The following MACROD2 variants were observed in gnomAD, a reference collection of about 807,000 sequenced individuals.
MACROD2 encodes the protein mono-ADP ribosylhydrolase 2, also known as ADP-ribose glycohydrolase MACROD2.
MACROD2 carries 36 observed loss-of-function variants against 70.4 expected under a neutral mutation model. That is an observed-to-expected ratio of 0.51 (90% CI 0.39 to 0.68). The LOEUF (loss-of-function observed/expected upper bound fraction) is 0.68. MACROD2 is among the 30% of genes least tolerant of loss of function. The pLI is 0.00. For synonymous variants in MACROD2, 172 were observed against 178.8 expected, an observed-to-expected ratio of 0.96 and a Z score of 0.30; for missense variants, 496 against 538.4, an observed-to-expected ratio of 0.92 and a Z score of 0.78.
At chr20:15,534,714 A>G (rs1315917169) in intron 8 of MACROD2, among the ~76,000 whole-genome samples, 1 of 152,158 alleles carries the variant, frequency 6.6e-6, no homozygotes, top group Non-Finnish European at 1.5e-5. Context: ...TTAGCAATTC[A>G]TGTAGATTTG....
At chr20:16,024,276 A>G (rs1046369532) in intron 15 of MACROD2, among the ~76,000 whole-genome samples, 3 of 152,172 alleles carry the variant, frequency 2.0e-5, no homozygotes, top group Admixed American at 2.0e-4. Context: ...AGGAAGTGCA[A>G]ATCCTCTCTG....
intron 6 of MACROD2, among the ~76,000 whole-genome samples, chr20:15,419,537 G>T (rs1182027117): frequency 5.3e-5 from 8 of 152,192 alleles, no homozygotes. Context: ...ATTCCTGTGT[G>T]CAAGAGGCTT....
chr20:14,230,668 C>CA (rs1569217430), intron 3 of MACROD2, among the ~76,000 whole-genome samples: 4 of 6,942 alleles, frequency 5.8e-4, no homozygotes, highest in African/African-American at 1.1e-3. Context: ...ACAGGCTGGG[C>CA]CTATATATAT....
chr20:14,980,533 A>G (rs549598294), intron 5 of MACROD2, among the ~76,000 whole-genome samples: 24 of 152,324 alleles, frequency 1.6e-4, no homozygotes, highest in African/African-American at 5.5e-4. Flanking sequence ...CACGCCCTAC[A>G]GGTGGATATA....
At chr20:14,723,839 A>G (rs1412749167) in intron 5 of MACROD2, among the ~76,000 whole-genome samples, 1 of 151,974 alleles carries the variant, frequency 6.6e-6, no homozygotes, top group East Asian at 1.9e-4. Context: ...CGTAAAAGAA[A>G]CCTTACTGAA....
rs1489091584 is a variant in MACROD2, at chr20:14,699,605, CTT to C, written c.418+14647_418+14648del. 2.0e-5 allele frequency among the ~76,000 whole-genome samples: 3 copies of C among 152,074 alleles called. 1 individual carries two copies. The East Asian group carries it at 5.8e-4, about 29-fold the overall frequency. On this transcript the variant is annotated intron_variant, in intron 5 of 17. Coordinates refer to ENST00000684519, the MANE Select transcript of MACROD2 (RefSeq NM_001351661.2). ...AATATTAATTTTACAGAAATAGAAT[CTT>C]ATTTTATTACAAGGAAGGCCGTCAG...
chr20:15,358,147 A>G (rs1417980541), intron 6 of MACROD2, among the ~76,000 whole-genome samples: 2 of 152,164 alleles, frequency 1.3e-5, no homozygotes, highest in Non-Finnish European at 2.9e-5. Flanking sequence ...CTAATTCAAA[A>G]TGAGTGCTCC....
intron 5 of MACROD2, among the ~76,000 whole-genome samples, chr20:15,029,848 A>G (rs1011732377): frequency 2.6e-5 from 4 of 152,070 alleles, no homozygotes; most frequent in African/African-American, 9.7e-5. Context: ...AAAGAGATGA[A>G]TGGGAGGCTG....
chr20:15,548,755 T>C (rs1186781929), intron 8 of MACROD2, among the ~76,000 whole-genome samples: 1 of 152,086 alleles, frequency 6.6e-6, no homozygotes, highest in African/African-American at 2.4e-5. Context: ...CCAAGCTAGG[T>C]CAGTAAAGGC....
intron 12 of MACROD2, among the ~76,000 whole-genome samples, chr20:15,957,189 G>A (rs1226429529): frequency 6.6e-6 from 1 of 152,154 alleles, no homozygotes; most frequent in East Asian, 1.9e-4. Context: ...TGGTAGACAT[G>A]TTCTACTGCT....
chr20:15,558,407 C>T (rs910167767), intron 8 of MACROD2, among the ~76,000 whole-genome samples: 7 of 152,168 alleles, frequency 4.6e-5, no homozygotes, highest in African/African-American at 1.7e-4. Flanking sequence ...AAAGTAATAG[C>T]GGGTTTTGCT....
chr20:14,629,608 G>A (rs771084205), intron 4 of MACROD2, among the ~76,000 whole-genome samples: 1 of 152,160 alleles, frequency 6.6e-6, no homozygotes, highest in Non-Finnish European at 1.5e-5. Flanking sequence ...GAAGCTGTAG[G>A]AAAGGTGGCT....
chr20:15,519,115 C>CTTCCT (rs1568863498), intron 8 of MACROD2, among the ~76,000 whole-genome samples: 2 of 137,514 alleles, frequency 1.5e-5, no homozygotes, highest in Admixed American at 7.1e-5. Context: ...TCCTTCCTTC[C>CTTCCT]TTCCTTTCTT....
At chr20:14,230,060 A>T (rs1286011946) in intron 3 of MACROD2, among the ~76,000 whole-genome samples, 2 of 152,216 alleles carry the variant, frequency 1.3e-5, no homozygotes, top group African/African-American at 4.8e-5. Flanking sequence ...ATTGCTAAAT[A>T]TTGCTAATGA....
At chr20:15,042,258 T>C (rs887868575) in intron 5 of MACROD2, among the ~76,000 whole-genome samples, 1 of 152,160 alleles carries the variant, frequency 6.6e-6, no homozygotes, top group East Asian at 1.9e-4. Context: ...AAAAAAGGTA[T>C]AAATCCTAAG....
intron 8 of MACROD2, among the ~76,000 whole-genome samples, chr20:15,740,707 G>T (rs1300933643): frequency 2.1e-5 from 3 of 145,458 alleles, no homozygotes; most frequent in Non-Finnish European, 4.4e-5. Context: ...ACTTTACATG[G>T]AGCCTTTTTT....
chr20:15,271,386 A>C (rs1439395865), intron 6 of MACROD2, among the ~76,000 whole-genome samples: 1 of 152,184 alleles, frequency 6.6e-6, no homozygotes, highest in Non-Finnish European at 1.5e-5. Flanking sequence ...TAATACCATC[A>C]ACTTGGCGAT....
intron 4 of MACROD2, among the ~76,000 whole-genome samples, chr20:14,611,147 AT>A (rs1983132947): frequency 6.6e-6 from 1 of 152,152 alleles, no homozygotes; most frequent in Non-Finnish European, 1.5e-5. Flanking sequence ...AACTACCTGC[AT>A]TCAAATATCA....
chr20:14,802,848 T>C (rs1319338081), intron 5 of MACROD2, among the ~76,000 whole-genome samples: 1 of 150,762 alleles, frequency 6.6e-6, no homozygotes, highest in Admixed American at 6.6e-5. Flanking sequence ...ACAGTTTGTA[T>C]CTGCAAAAGA....
Sources: gnomAD v4.1 joint callset for allele counts (sites outside exome capture counted in the v4.1 genomes callset) on GRCh38, gnomAD v4.1.1 for gene constraint, MANE v1.5 for transcripts, NCBI Gene and HGNC (gene_info 2026-07-23, HGNC 2026-07-21) for gene names.